The following MPHOSPH9 variants were observed in gnomAD, a reference collection of about 807,000 sequenced individuals.
MPHOSPH9 encodes the protein M-phase phosphoprotein 9.
Under a neutral mutation model 145.5 loss-of-function variants are expected in MPHOSPH9, and 88 were observed. The ratio of observed to expected loss-of-function variants is 0.60; its 90% CI spans 0.51 to 0.72. The LOEUF (loss-of-function observed/expected upper bound fraction) is 0.72. Among genes scored for constraint, MPHOSPH9 ranks in the 30% least tolerant of loss-of-function variants. The pLI is 0.00. For missense variants in MPHOSPH9, 1,238 were observed against 1,386.6 expected (o/e 0.89, Z 1.70); for synonymous variants, 435 against 486.2 (o/e 0.89, Z 1.39).
rs2044274718 is a variant in MPHOSPH9 at position 123,165,410 on chromosome 12, G to A, written c.2659C>T (p.Gln887Ter). The A allele has an allele frequency of 6.2e-7, 1 of 1,613,632 alleles. No homozygotes were observed. The highest frequency in any genetic ancestry group is 8.5e-7 in the Non-Finnish European group (1 of 1,179,920). Residue 887 changes from glutamine to a stop codon, truncating the protein, a stop_gained, in exon 18 of 24, where the codon CAA (glutamine) becomes TAA (stop). Coordinates refer to ENST00000606320, the MANE Select transcript of MPHOSPH9 (RefSeq NM_022782.4). LOFTEE classifies it high-confidence loss of function. ...ATCGGCGTGTCTGAAGTCTCTCTTT[G>A]CTTTTTTATCAACAAGCTTGTTGAT... ...SSSTSLLIKK[Q>*]RETSDTPIMR...
chr12:123,219,552 CA>C (rs778997410), intron 5 of MPHOSPH9, among the ~76,000 whole-genome samples: 1,593 of 49,972 alleles, frequency 0.032, 4 homozygotes, highest in South Asian at 0.064. Context: ...GACTCTGTCT[CA>C]AAAAAAAAAA....
Position 123,202,929 on chromosome 12 carries a change from T to C in MPHOSPH9, c.1476A>G (p.Ser492=). The part of the protein sequence containing the change: ...PSMSSPSDID[S]FSQASNVTSQ... ...AAGTGACATTACTTGCTTGTGAAAA[T>C]GAGTCTATGTCAGAGGGACTAGACA... The change falls in exon 10 of 24, where the codon TCA becomes TCG. Residue 492 remains serine, a synonymous_variant. Coordinates refer to ENST00000606320, the MANE Select transcript of MPHOSPH9 (RefSeq NM_022782.4). 6 of 1,614,112 alleles carry C rather than the reference T, an allele frequency of 3.7e-6. No individual in the cohort carries two copies. The highest frequency in any genetic ancestry group is 1.3e-5 in the African/African-American group (1 of 75,018).
Position 123,176,718 on chromosome 12 carries a change from G to C in MPHOSPH9, c.2426C>G (p.Ser809Cys). The C allele has an allele frequency of 6.2e-7, 1 of 1,613,928 alleles. No homozygotes were observed. The highest frequency in any genetic ancestry group is 8.5e-7 in the Non-Finnish European group (1 of 1,179,920). The change falls in exon 16 of 24, where the codon TCT (serine) becomes TGT (cysteine). Residue 809 changes from serine (S) to cysteine (C), a missense_variant. By Grantham distance (112) the Ser-to-Cys change is moderately radical. This residue lies in a region of MPHOSPH9 where 393 missense variants were observed against 462.5 expected (regional missense o/e 0.85). Coordinates refer to ENST00000606320, the MANE Select transcript of MPHOSPH9 (RefSeq NM_022782.4). ...HENMLSLRHNSRIHVRPSRAN... is the reference protein window; with the variant it reads ...HENMLSLRHNCRIHVRPSRAN... ...ACGCGAGGGTCTCACGTGAATTCTAGAATTATGACGAAGGCTTAACATATT... is the reference window on the plus strand; with the variant it reads ...ACGCGAGGGTCTCACGTGAATTCTACAATTATGACGAAGGCTTAACATATT...
At chr12:123,195,732 T>C (rs903940666) in intron 12 of MPHOSPH9, among the ~76,000 whole-genome samples, 1 of 152,028 alleles carries the variant, frequency 6.6e-6, no homozygotes, top group African/African-American at 2.4e-5. Context: ...GTCCCGAATG[T>C]CATGAAGCTT....
chr12:123,187,574 C>T (rs1357224382), intron 13 of MPHOSPH9, among the ~76,000 whole-genome samples: 1 of 151,754 alleles, frequency 6.6e-6, no homozygotes, highest in African/African-American at 2.4e-5. Context: ...AGCAAAAAAA[C>T]GAGATAAGGA....
At chr12:123,157,990 T>C (rs1489753208) in intron 23 of MPHOSPH9, among the ~76,000 whole-genome samples, 1 of 151,984 alleles carries the variant, frequency 6.6e-6, no homozygotes, top group Non-Finnish European at 1.5e-5. Context: ...TATTTTATTT[T>C]TTTTTTTTTG....
At chr12:123,223,005 T>TA (rs36043549) in intron 4 of MPHOSPH9, 33 bp downstream of exon 4, 2 of 1,259,094 alleles carry the variant, frequency 1.6e-6, no homozygotes, top group African/African-American at 3.0e-5. Context: ...TATATGTATA[T>TA]AAAAAAAGGA....
chr12:123,200,267 C>G (rs994327065), intron 11 of MPHOSPH9, among the ~76,000 whole-genome samples: 1 of 151,198 alleles, frequency 6.6e-6, no homozygotes, highest in Admixed American at 6.6e-5. Flanking sequence ...ATGACTGCCA[C>G]GTATTTTGTT....
At chr12:123,224,130 ATTTTTT>A (rs1156810609) in intron 3 of MPHOSPH9, among the ~76,000 whole-genome samples, 1 of 81,022 alleles carries the variant, frequency 1.2e-5, no homozygotes, top group Non-Finnish European at 2.5e-5. Context: ...ATATATACAC[ATTTTTT>A]TTTTTTTTTT....
At chr12:123,175,883 A>G (rs2044838306) in intron 16 of MPHOSPH9, among the ~76,000 whole-genome samples, 2 of 151,738 alleles carry the variant, frequency 1.3e-5, no homozygotes, top group Non-Finnish European at 2.9e-5. Flanking sequence ...AAAGACCTAG[A>G]AAAATCTTCT....
rs79833865 is a variant in MPHOSPH9, at chr12:123,219,672, G to A, written c.873-1173C>T. 7.4e-4 allele frequency among the ~76,000 whole-genome samples: 113 copies of A among 151,920 alleles called. 1 individual carries two copies. The East Asian group carries it at 0.019, about 25-fold the overall frequency. On this transcript the variant is annotated intron_variant, in intron 5 of 23. Transcript: ENST00000606320. Reference sequence around the variant, plus strand: ...AGTGCTAAATGTATCTCTACAATGAGAGTGTATTTGTTGGCATAAATCAAT... The same window carrying A: ...AGTGCTAAATGTATCTCTACAATGAAAGTGTATTTGTTGGCATAAATCAAT...
intron 1 of MPHOSPH9, among the ~76,000 whole-genome samples, chr12:123,232,096 G>A (rs569971917): frequency 1.3e-3 from 201 of 151,374 alleles, no homozygotes; most frequent in African/African-American, 4.7e-3. Context: ...ACGACAAATG[G>A]GGCATTGAAA....
rs138478864 is a variant in MPHOSPH9, at chr12:123,187,628, T to G, written c.2242-6418A>C. Among the ~76,000 whole-genome samples, 986 of 152,304 alleles carry G rather than the reference T, an allele frequency of 6.5e-3. 17 individuals carry two copies. Among genetic ancestry groups the G allele is most frequent in the Non-Finnish European group, 4.4e-3 (301 of 68,030 alleles). The stretch of plus-strand genomic sequence containing the variant: ...CACTTGTTATAAAATACTAATAATT[T>G]ACATGATGTGGTTCCAATTCAGAGA... On this transcript the variant is annotated intron_variant, in intron 13 of 23. Coordinates refer to ENST00000606320, the MANE Select transcript of MPHOSPH9 (RefSeq NM_022782.4).
intron 13 of MPHOSPH9, among the ~76,000 whole-genome samples, chr12:123,193,988 G>A (rs1593153428): frequency 1.3e-5 from 2 of 152,172 alleles, no homozygotes; most frequent in African/African-American, 4.8e-5. Flanking sequence ...TAAAATAAAG[G>A]CCGGACATAG....
intron 3 of MPHOSPH9, among the ~76,000 whole-genome samples, chr12:123,223,461 ACTGT>A (rs1247304068): frequency 6.6e-6 from 1 of 152,222 alleles, no homozygotes; most frequent in South Asian, 2.1e-4. Context: ...ACGGCTCTGC[ACTGT>A]CTGTCTCCTA....
downstream of MPHOSPH9, chr12:123,152,955 C>T (rs1037664918): frequency 1.3e-5 from 2 of 159,030 alleles, no homozygotes; most frequent in African/African-American, 4.8e-5. Flanking sequence ...ATTAAAGTGA[C>T]AAAAGTGTCT....
intron 13 of MPHOSPH9, among the ~76,000 whole-genome samples, chr12:123,187,333 C>T (rs1454199380): frequency 1.3e-5 from 2 of 151,428 alleles, no homozygotes; most frequent in African/African-American, 2.4e-5. Flanking sequence ...TGATATACCT[C>T]GAGAAAAAAA....
intron 13 of MPHOSPH9, among the ~76,000 whole-genome samples, chr12:123,190,877 T>A (rs957762887): frequency 6.6e-6 from 1 of 152,226 alleles, no homozygotes. Flanking sequence ...CTTTTCTGTA[T>A]GCTTGAAATG....
chr12:123,192,889 C>T (rs946922580), intron 13 of MPHOSPH9, among the ~76,000 whole-genome samples: 3 of 151,022 alleles, frequency 2.0e-5, no homozygotes, highest in African/African-American at 7.3e-5. Context: ...ACCAGCCTGG[C>T]CAGCATGGTG....
Sources: allele counts gnomAD v4.1 joint callset (sites outside exome capture counted in the v4.1 genomes callset), GRCh38; gene constraint gnomAD v4.1.1; regional missense constraint gnomAD v4.1.1; transcripts MANE v1.5; gene names NCBI Gene and HGNC (gene_info 2026-07-23, HGNC 2026-07-21).